Variants in GALNTL6 observed in about 807,000 individuals in gnomAD.
The protein encoded by GALNTL6 is polypeptide N-acetylgalactosaminyltransferase like 6, also known as polypeptide N-acetylgalactosaminyltransferase-like 6.
Under a neutral mutation model 73.7 loss-of-function variants are expected in GALNTL6, and 46 were observed. That is an observed-to-expected ratio of 0.62 (90% CI 0.49 to 0.80). The LOEUF (loss-of-function observed/expected upper bound fraction) is 0.80. Ranked by LOEUF, GALNTL6 falls within the 30% of genes least tolerant of loss-of-function variation. The pLI, the probability that GALNTL6 is intolerant of heterozygous loss-of-function variation, is 0.00. For synonymous variants in GALNTL6, 259 were observed against 263.7 expected (o/e 0.98, Z 0.17); for missense variants, 604 against 755.0 (o/e 0.80, Z 2.34).
chr4:172,421,305 A>G (rs1035553073), intron 5 of GALNTL6, among the ~76,000 whole-genome samples: 2 of 152,164 alleles, frequency 1.3e-5, no homozygotes, highest in Non-Finnish European at 2.9e-5. Context: ...TTTACACCAC[A>G]GAAGTTAACA....
intron 12 of GALNTL6, among the ~76,000 whole-genome samples, chr4:173,028,393 G>A (rs898439103): frequency 2.6e-5 from 4 of 152,118 alleles, no homozygotes; most frequent in Admixed American, 1.3e-4. Context: ...CAGTCAGATG[G>A]AGAATCACTT....
At chr4:172,567,801 A>C (rs1043691759) in intron 5 of GALNTL6, among the ~76,000 whole-genome samples, 3 of 152,050 alleles carry the variant, frequency 2.0e-5, no homozygotes, top group African/African-American at 7.2e-5. Flanking sequence ...GTGCCACTTC[A>C]CTCTAACCTG....
intron 2 of GALNTL6, among the ~76,000 whole-genome samples, chr4:171,922,082 G>A (rs1007609342): frequency 1.3e-5 from 2 of 151,892 alleles, no homozygotes; most frequent in Non-Finnish European, 2.9e-5. Context: ...ATGTGTGTGT[G>A]TGTGTGTGTG....
intron 5 of GALNTL6, among the ~76,000 whole-genome samples, chr4:172,373,407 T>G (rs1202383199): frequency 6.6e-6 from 1 of 151,704 alleles, no homozygotes; most frequent in Non-Finnish European, 1.5e-5. Flanking sequence ...CTTGCACTAG[T>G]CTCCACTGAC....
At chr4:171,988,486 G>A (rs942411415) in intron 2 of GALNTL6, among the ~76,000 whole-genome samples, 1 of 152,158 alleles carries the variant, frequency 6.6e-6, no homozygotes, top group African/African-American at 2.4e-5. Context: ...GATGAAGGGT[G>A]CAAAGGAATA....
intron 5 of GALNTL6, among the ~76,000 whole-genome samples, chr4:172,526,472 T>C (rs1734956747): frequency 6.6e-6 from 1 of 152,206 alleles, no homozygotes; most frequent in South Asian, 2.1e-4. Flanking sequence ...GGCAGTCAAC[T>C]CCAGTCTTTA....
chr4:173,004,196 A>AT (rs934218625), intron 10 of GALNTL6, among the ~76,000 whole-genome samples: 1 of 152,026 alleles, frequency 6.6e-6, no homozygotes, highest in African/African-American at 2.4e-5. Flanking sequence ...GAAAAAAAAA[A>AT]TGAGGTTATA....
chr4:172,443,683 T>C lies in GALNTL6; in HGVS notation c.553+94994T>C, dbSNP rs539159736. Among the ~76,000 whole-genome samples the C allele has an allele frequency of 2.6e-5, 4 of 152,336 alleles. No homozygotes were observed. The South Asian group carries it at 6.2e-4, about 24-fold the overall frequency. ...CAAACAATTTTTACTTTACTACTTA[T>C]GTGATATCAGTAGCATCAAATGTTT... is the stretch of plus-strand genomic sequence containing the variant. On this transcript the variant is annotated intron_variant, in intron 5 of 12. Coordinates refer to ENST00000506823, the MANE Select transcript of GALNTL6 (RefSeq NM_001034845.3).
At chr4:172,652,385 C>T (rs113133172) in intron 5 of GALNTL6, among the ~76,000 whole-genome samples, 10 of 152,286 alleles carry the variant, frequency 6.6e-5, no homozygotes, top group African/African-American at 2.2e-4. Context: ...GTATATGTTG[C>T]ATTAGTCGAA....
At chr4:172,225,958 A>G (rs1736850714) in intron 2 of GALNTL6, among the ~76,000 whole-genome samples, 1 of 152,170 alleles carries the variant, frequency 6.6e-6, no homozygotes, top group Non-Finnish European at 1.5e-5. Context: ...CTACCATTAT[A>G]AAGTGTTTTC....
chr4:171,881,334 A>G (rs1736442637), intron 2 of GALNTL6, among the ~76,000 whole-genome samples: 1 of 152,208 alleles, frequency 6.6e-6, no homozygotes, highest in Admixed American at 6.5e-5. Context: ...ATGATATGGT[A>G]TGGCTCTGTG....
At chr4:171,955,512 T>A (rs1485308358) in intron 2 of GALNTL6, among the ~76,000 whole-genome samples, 2 of 151,930 alleles carry the variant, frequency 1.3e-5, no homozygotes, top group Non-Finnish European at 2.9e-5. Flanking sequence ...AAATAAAAGG[T>A]ATATTGTTTG....
In GALNTL6 at chr4:172,311,610, C is replaced by T. The variant is rs982454383; in HGVS notation, c.248-4C>T. 6 of 1,594,274 alleles carry T rather than the reference C, an allele frequency of 3.8e-6. No homozygotes were observed. Among genetic ancestry groups the T allele is most frequent in the East Asian group, 4.5e-5 (2 of 44,506 alleles). On this transcript the variant is annotated splice_region_variant and splice_polypyrimidine_tract_variant and intron_variant, in intron 3 of 12. Coordinates refer to ENST00000506823, the MANE Select transcript of GALNTL6 (RefSeq NM_001034845.3). Reference sequence around the variant, plus strand: ...GATAATCTCATTTTGTTTTCTCCTGCTAGGGAAAGGTGAACATGGGAAACC... The same window carrying T: ...GATAATCTCATTTTGTTTTCTCCTGTTAGGGAAAGGTGAACATGGGAAACC...
At chr4:172,976,055 C>T (rs866413767) in intron 10 of GALNTL6, among the ~76,000 whole-genome samples, 1 of 152,126 alleles carries the variant, frequency 6.6e-6, no homozygotes, top group African/African-American at 2.4e-5. Context: ...CTGGCTCCCA[C>T]CAGCTCCCTG....
chr4:172,339,481 C>T (rs1355116505), intron 4 of GALNTL6, among the ~76,000 whole-genome samples: 2 of 152,096 alleles, frequency 1.3e-5, no homozygotes, highest in African/African-American at 4.8e-5. Context: ...GAGGCTCCTA[C>T]CAAACTCCAG....
chr4:172,632,324 T>G (rs1458708989), intron 5 of GALNTL6, among the ~76,000 whole-genome samples: 2 of 152,182 alleles, frequency 1.3e-5, no homozygotes, highest in African/African-American at 2.4e-5. Context: ...TGGGAAAGTT[T>G]GGAACGTCCT....
At chr4:172,193,779 C>T (rs995905562) in intron 2 of GALNTL6, among the ~76,000 whole-genome samples, 31 of 152,098 alleles carry the variant, frequency 2.0e-4, no homozygotes, top group Non-Finnish European at 4.1e-4. Context: ...AGGAGAATGG[C>T]GTGAACCCGG....
At chr4:172,190,670 T>C (rs1735550558) in intron 2 of GALNTL6, among the ~76,000 whole-genome samples, 1 of 152,182 alleles carries the variant, frequency 6.6e-6, no homozygotes, top group Admixed American at 6.5e-5. Context: ...CCAGGCCATA[T>C]GGGCCTCAAA....
chr4:172,641,519 G>C (rs837220), intron 5 of GALNTL6, among the ~76,000 whole-genome samples: 151,449 of 152,114 alleles, frequency 1, 75,396 homozygotes, highest in Non-Finnish European at 1. Flanking sequence ...GCTACTACTC[G>C]ATCATTCTTC....
Sources: allele counts gnomAD v4.1 joint callset (sites outside exome capture counted in the v4.1 genomes callset), GRCh38; gene constraint gnomAD v4.1.1; transcripts MANE v1.5; gene names NCBI Gene and HGNC (gene_info 2026-07-23, HGNC 2026-07-21).